The following HMGB1 variants were observed in gnomAD, a reference collection of about 807,000 sequenced individuals.
HMGB1 encodes the protein high mobility group protein B1.
For synonymous variants in HMGB1, 81 were observed against 84.0 expected (o/e 0.96, Z 0.19); for missense variants, 79 against 253.5 (o/e 0.31, Z 4.67).
At chr13:30,579,702 C>T (rs989996019) in intron 1 of HMGB1, among the ~76,000 whole-genome samples, 5 of 152,054 alleles carry the variant, frequency 3.3e-5, no homozygotes, top group Non-Finnish European at 4.4e-5. Flanking sequence ...AGAGAACGTA[C>T]GTAAATGCCT....
At chr13:30,547,348 G>A (rs1260615371) in intron 1 of HMGB1, among the ~76,000 whole-genome samples, 1 of 152,170 alleles carries the variant, frequency 6.6e-6, no homozygotes, top group Non-Finnish European at 1.5e-5. Flanking sequence ...TTCAGTGAAA[G>A]TTTAATAATT....
At chr13:30,609,523 T>TCCTC (rs1437161186) in intron 1 of HMGB1, among the ~76,000 whole-genome samples, 2 of 152,040 alleles carry the variant, frequency 1.3e-5, no homozygotes, top group African/African-American at 2.4e-5. Flanking sequence ...TGCCTGCCTC[T>TCCTC]CCTCCCTCCC....
chr13:30,504,896 T>A (rs572472901), intron 1 of HMGB1, among the ~76,000 whole-genome samples: 5 of 152,284 alleles, frequency 3.3e-5, no homozygotes, highest in Non-Finnish European at 7.3e-5. Context: ...AATAATTACG[T>A]TTATCACATG....
At chr13:30,560,841 G>C (rs1869917747) in intron 1 of HMGB1, among the ~76,000 whole-genome samples, 1 of 152,178 alleles carries the variant, frequency 6.6e-6, no homozygotes, top group Non-Finnish European at 1.5e-5. Context: ...TGAGAAAGGT[G>C]ACAATACTGA....
intron 1 of HMGB1, among the ~76,000 whole-genome samples, chr13:30,536,799 G>A (rs2137492986): frequency 6.6e-6 from 1 of 151,822 alleles, no homozygotes; most frequent in African/African-American, 2.4e-5. Context: ...AGCTTTCTAG[G>A]TTCCTATCGC....
chr13:30,461,563 A>G (rs1886337230), intron 4 of HMGB1, 30 bp from the exon 5 acceptor site: 1 of 1,571,850 alleles, frequency 6.4e-7, no homozygotes, highest in Non-Finnish European at 8.6e-7. Flanking sequence ...ATAAAACAGT[A>G]GGGAAGAAAA....
chr13:30,564,156 C>G (rs116196677), intron 1 of HMGB1, among the ~76,000 whole-genome samples: 3,223 of 151,552 alleles, frequency 0.021, 98 homozygotes, highest in African/African-American at 0.074. Context: ...CCATGAGCCA[C>G]GTGCAGTGGC....
At chr13:30,615,854 C>G (rs1417053661) in intron 1 of HMGB1, among the ~76,000 whole-genome samples, 1 of 152,072 alleles carries the variant, frequency 6.6e-6, no homozygotes, top group Admixed American at 6.6e-5. Context: ...TGCAGCTGTT[C>G]GTTAGTTATT....
intron 1 of HMGB1, among the ~76,000 whole-genome samples, chr13:30,519,381 A>G (rs1420997777): frequency 7.3e-6 from 1 of 137,654 alleles, no homozygotes; most frequent in African/African-American, 2.8e-5. Flanking sequence ...TGACAGAGTG[A>G]CACTCTGTCT....
intron 1 of HMGB1, among the ~76,000 whole-genome samples, chr13:30,571,862 TATA>T (rs1227422295): frequency 2.6e-5 from 4 of 152,302 alleles, no homozygotes; most frequent in African/African-American, 4.8e-5. Flanking sequence ...TTCCTACACT[TATA>T]ATGAGTTTCG....
rs10444629 is a variant in HMGB1 at position 30,461,125 on chromosome 13, A to G, written c.*232T>C. 7 of 1,215,302 alleles carry G rather than the reference A, an allele frequency of 5.8e-6. No individual in the cohort carries two copies. Among genetic ancestry groups the G allele is most frequent in the Non-Finnish European group, 7.2e-6 (7 of 971,612 alleles). The allele number at this position is 1,215,302 out of a possible 1,614,324, so 75.3% of individuals were successfully genotyped here. On this transcript the variant is annotated 3_prime_UTR_variant, in exon 5 of 5. Transcript: ENST00000341423. ...CTTTAAATTTCCATGCCAATTTACA[A>G]CCCCCATACTGTACCAGGCAAGGTT...
At chr13:30,563,150 C>G (rs759128393) in intron 1 of HMGB1, among the ~76,000 whole-genome samples, 1 of 152,236 alleles carries the variant, frequency 6.6e-6, no homozygotes, top group Admixed American at 6.5e-5. Context: ...TTTACTAGAA[C>G]AAGGAAGCTC....
intron 1 of HMGB1, among the ~76,000 whole-genome samples, chr13:30,528,718 A>G (rs1888426517): frequency 6.6e-6 from 1 of 152,092 alleles, no homozygotes; most frequent in South Asian, 2.1e-4. Flanking sequence ...AACATCCTCA[A>G]CTGAAGTTTG....
chr13:30,509,816 G>A (rs1054651634), intron 1 of HMGB1, among the ~76,000 whole-genome samples: 30 of 152,172 alleles, frequency 2.0e-4, no homozygotes, highest in African/African-American at 6.8e-4. Flanking sequence ...CCGCGGTGTA[G>A]ATACTATCTT....
At chr13:30,612,868 C>CT (rs758838152) in intron 1 of HMGB1, among the ~76,000 whole-genome samples, 1 of 152,216 alleles carries the variant, frequency 6.6e-6, no homozygotes, top group Non-Finnish European at 1.5e-5. Flanking sequence ...GCTTTCTGAA[C>CT]TTTAGGTTGC....
At chr13:30,614,873 A>ATTT (rs34422229) in intron 1 of HMGB1, among the ~76,000 whole-genome samples, 1 of 116,156 alleles carries the variant, frequency 8.6e-6, no homozygotes, top group Non-Finnish European at 1.9e-5. Flanking sequence ...TAATTTTTGT[A>ATTT]TTTTTTTTTT....
chr13:30,478,328 AG>A (rs2137428282), intron 1 of HMGB1, among the ~76,000 whole-genome samples: 1 of 152,332 alleles, frequency 6.6e-6, no homozygotes, highest in South Asian at 2.1e-4. Flanking sequence ...CTGGGGACAG[AG>A]TGAGACCCTG....
At chr13:30,461,722 T>A in intron 4 of HMGB1, 189 bp from the exon 5 acceptor site, 2 of 1,390,816 alleles carry the variant, frequency 1.4e-6, no homozygotes, top group Non-Finnish European at 2.0e-6. Context: ...ACAAGATCAT[T>A]ATAACAATCT....
chr13:30,540,488 G>A (rs1213277702), intron 1 of HMGB1: 1 of 155,618 alleles, frequency 6.4e-6, no homozygotes, highest in African/African-American at 2.4e-5. Context: ...AAAAGACAAT[G>A]CTGTGTCATG....
Sources: allele counts gnomAD v4.1 joint callset (sites outside exome capture counted in the v4.1 genomes callset), GRCh38; gene constraint gnomAD v4.1.1; transcripts MANE v1.5; gene names NCBI Gene and HGNC (gene_info 2026-07-23, HGNC 2026-07-21).